The following KCND2 variants were observed in gnomAD, a reference collection of about 807,000 sequenced individuals.
KCND2 encodes A-type voltage-gated potassium channel KCND2.
Under a neutral mutation model 54.4 loss-of-function variants are expected in KCND2, and 16 were observed. That is an observed-to-expected ratio of 0.29 (90% confidence interval 0.20 to 0.45). The LOEUF (loss-of-function observed/expected upper bound fraction) is 0.45. KCND2 is among the 20% of genes least tolerant of loss of function. The pLI is 1.00. For synonymous variants in KCND2, 317 were observed against 310.7 expected, an observed-to-expected ratio of 1.02 and a Z score of -0.21; for missense variants, 486 against 824.2, an observed-to-expected ratio of 0.59 and a Z score of 5.02.
chr7:120,540,014 C>A (rs1791960791), intron 1 of KCND2, among the ~76,000 whole-genome samples: 1 of 152,114 alleles, frequency 6.6e-6, no homozygotes, highest in South Asian at 2.1e-4. Context: ...GGCTAGCTTA[C>A]TCTTGAAGAA....
chr7:120,338,894 T>A (rs1800192578), intron 1 of KCND2, among the ~76,000 whole-genome samples: 1 of 152,022 alleles, frequency 6.6e-6, no homozygotes, highest in Non-Finnish European at 1.5e-5. Context: ...TATCTTTTTT[T>A]TTTGAGACAG....
chr7:120,709,465 C>G (rs1012405656), intron 1 of KCND2, among the ~76,000 whole-genome samples: 4 of 152,136 alleles, frequency 2.6e-5, no homozygotes, highest in Non-Finnish European at 5.9e-5. Context: ...TATGTCACTT[C>G]TTAATTATGC....
chr7:120,307,786 T>G (rs1799669410), intron 1 of KCND2, among the ~76,000 whole-genome samples: 1 of 152,154 alleles, frequency 6.6e-6, no homozygotes, highest in African/African-American at 2.4e-5. Context: ...TGCACAAGCT[T>G]CTGAGACTAG....
chr7:120,526,675 A>G (rs1791780777), intron 1 of KCND2, among the ~76,000 whole-genome samples: 2 of 152,270 alleles, frequency 1.3e-5, no homozygotes, highest in African/African-American at 2.4e-5. Context: ...GAATGATTTA[A>G]TTTCATTATT....
chr7:120,334,904 A>G lies in KCND2; in HGVS notation c.1115+59157A>G, dbSNP rs943632027. Among the ~76,000 whole-genome samples, 13 of 152,212 alleles carry G rather than the reference A, an allele frequency of 8.5e-5. No individual in the cohort carries two copies. The South Asian group carries it at 1.0e-3, about 12-fold the overall frequency. ...TCCTTTTGCCAGTTCCTTCTTCTAG[A>G]ATAGAATAATGTCATGGTTCAGTAA... On this transcript the variant is annotated intron_variant, in intron 1 of 5. Transcript: ENST00000331113.
At chr7:120,516,716 A>C (rs1447133347) in intron 1 of KCND2, among the ~76,000 whole-genome samples, 1 of 152,182 alleles carries the variant, frequency 6.6e-6, no homozygotes, top group Non-Finnish European at 1.5e-5. Flanking sequence ...TTAATTTGAT[A>C]GAAAACGGGA....
rs141775051 is a variant in KCND2, at chr7:120,635,444, T to A, written c.1116-97459T>A. ...AGTGACAGTACCACATTTCCTTCTA[T>A]CTTTAGATGCAATAAGAATATTGTA... On this transcript the variant is annotated intron_variant, in intron 1 of 5. Coordinates refer to ENST00000331113, the MANE Select transcript of KCND2 (RefSeq NM_012281.3). 1.2e-3 allele frequency among the ~76,000 whole-genome samples: 176 copies of A among 152,278 alleles called. 1 individual carries two copies. The highest frequency in any genetic ancestry group is 6.8e-3 in the Middle Eastern group (2 of 294).
intron 1 of KCND2, among the ~76,000 whole-genome samples, chr7:120,297,688 CTTCTG>C (rs1159442873): frequency 2.0e-5 from 3 of 152,030 alleles, no homozygotes; most frequent in African/African-American, 4.8e-5. Flanking sequence ...CTCATATAAA[CTTCTG>C]TTATATTTAA....
Position 120,369,987 on chromosome 7 carries a change from G to T in KCND2, c.1115+94240G>T, listed in dbSNP as rs142851416. On this transcript the variant is annotated intron_variant, in intron 1 of 5. Transcript: ENST00000331113. ...GCAAATGTAGATGTGAGTCATAGGG[G>T]CCAGAGTATATATGGTGGATGGGGA... Among the ~76,000 whole-genome samples the T allele has an allele frequency of 9.0e-3, 1,374 of 152,080 alleles. 12 individuals are homozygous for T. The highest frequency in any genetic ancestry group is 0.031 in the African/African-American group (1,292 of 41,520).
chr7:120,548,587 G>T (rs1792070753), intron 1 of KCND2, among the ~76,000 whole-genome samples: 1 of 152,096 alleles, frequency 6.6e-6, no homozygotes, highest in African/African-American at 2.4e-5. Flanking sequence ...AAAGCTCTCA[G>T]TGCAAAAAGA....
intron 1 of KCND2, among the ~76,000 whole-genome samples, chr7:120,466,047 G>A (rs1241448802): frequency 1.3e-5 from 2 of 152,128 alleles, no homozygotes; most frequent in African/African-American, 4.8e-5. Flanking sequence ...GCTGTCTAAT[G>A]CATTATAAGA....
intron 1 of KCND2, among the ~76,000 whole-genome samples, chr7:120,681,837 C>T (rs117523100): frequency 1.3e-5 from 2 of 151,772 alleles, no homozygotes; most frequent in African/African-American, 4.8e-5. Flanking sequence ...TGTCCTTTAC[C>T]GAATGTCCAT....
chr7:120,377,338 G>A (rs758146099), intron 1 of KCND2, among the ~76,000 whole-genome samples: 3 of 151,928 alleles, frequency 2.0e-5, no homozygotes, highest in Admixed American at 1.3e-4. Context: ...AATACATCCA[G>A]AGAAGGCAAA....
intron 1 of KCND2, among the ~76,000 whole-genome samples, chr7:120,440,700 G>C (rs1430528637): frequency 2.0e-5 from 3 of 151,860 alleles, no homozygotes; most frequent in Non-Finnish European, 4.4e-5. Flanking sequence ...TCATTTATCT[G>C]TATGTGGATA....
chr7:120,686,591 G>A (rs975319263), intron 1 of KCND2, among the ~76,000 whole-genome samples: 2 of 152,110 alleles, frequency 1.3e-5, no homozygotes, highest in South Asian at 2.1e-4. Flanking sequence ...TAAAGTACAC[G>A]TGGAAGAGAG....
intron 1 of KCND2, among the ~76,000 whole-genome samples, chr7:120,531,263 C>T (rs562101290): frequency 2.0e-4 from 31 of 152,210 alleles, no homozygotes; most frequent in African/African-American, 7.0e-4. Context: ...TTTTATATCC[C>T]TTTAAAAAAG....
chr7:120,488,464 C>A (rs1207956273), intron 1 of KCND2, among the ~76,000 whole-genome samples: 1 of 152,008 alleles, frequency 6.6e-6, no homozygotes, highest in African/African-American at 2.4e-5. Flanking sequence ...TACCTCCATT[C>A]TTTTTATTTA....
intron 1 of KCND2, among the ~76,000 whole-genome samples, chr7:120,508,358 C>T (rs1366134662): frequency 1.3e-5 from 2 of 151,812 alleles, no homozygotes; most frequent in Admixed American, 1.3e-4. Flanking sequence ...GGGTATATAA[C>T]ACTTTCTGAA....
chr7:120,341,356 G>C (rs970250088), intron 1 of KCND2, among the ~76,000 whole-genome samples: 8 of 152,148 alleles, frequency 5.3e-5, no homozygotes, highest in African/African-American at 1.9e-4. Flanking sequence ...ATTAAGACCT[G>C]TGTGTTTCTC....
Sources: allele counts gnomAD v4.1 joint callset (sites outside exome capture counted in the v4.1 genomes callset), GRCh38; gene constraint gnomAD v4.1.1; transcripts MANE v1.5; gene names NCBI Gene and HGNC (gene_info 2026-07-23, HGNC 2026-07-21).